MTO1: variants seen among roughly 807,000 people sequenced by gnomAD.
MTO1 encodes the protein mitochondrial tRNA translation optimization 1.
Under a neutral mutation model 71.6 loss-of-function variants are expected in MTO1, and 46 were observed. The observed-to-expected ratio is 0.64, with a 90% confidence interval of 0.51 to 0.82. The LOEUF (loss-of-function observed/expected upper bound fraction) is 0.82. Among genes scored for constraint, MTO1 ranks in the 40% least tolerant of loss-of-function variants. The pLI, the probability that MTO1 is intolerant of heterozygous loss-of-function variation, is 0.00. For missense variants in MTO1, 773 were observed against 867.5 expected (o/e 0.89, Z 1.37); for synonymous variants, 297 against 312.1 (o/e 0.95, Z 0.51).
At chr6:73,475,346 G>A (rs1329781563) in intron 4 of MTO1, among the ~76,000 whole-genome samples, 1 of 151,106 alleles carries the variant, frequency 6.6e-6, no homozygotes, top group Non-Finnish European at 1.5e-5. Flanking sequence ...GCAATGGCAC[G>A]ATCTCAGCTC....
chr6:73,473,315 A>AATACATAG (rs1405711153), intron 3 of MTO1, 50 bp from the exon 4 acceptor site: 3 of 1,494,540 alleles, frequency 2.0e-6, no homozygotes, highest in African/African-American at 2.8e-5. Context: ...TAGATACATA[A>AATACATAG]ATACATAGAT....
At position 73,504,159 on chromosome 6, in the gene MTO1, T is replaced by C. The variant is rs1294806766; in HGVS notation, c.*3424T>C. Reference sequence around the variant, plus strand: ...TTAATGTTTTTATTTAGAGACAAGATCTCACTCTGCCACCCTGGCTGGAGT... The same window carrying C: ...TTAATGTTTTTATTTAGAGACAAGACCTCACTCTGCCACCCTGGCTGGAGT... On this transcript the variant is annotated 3_prime_UTR_variant, in exon 12 of 12. Coordinates refer to ENST00000498286, the MANE Select transcript of MTO1 (RefSeq NM_012123.4). 2.6e-5 allele frequency: 4 copies of C among 152,244 alleles called. No individual in the cohort carries two copies. Among genetic ancestry groups the C allele is most frequent in the African/African-American group, 9.7e-5 (4 of 41,450 alleles). 9.4% of individuals were successfully genotyped at this position (152,244 alleles called of 1,614,324 possible). A position where few individuals can be genotyped will look rare whatever the true frequency, so the allele number is the denominator to read the frequency against.
At chr6:73,492,165 G>T (rs1483659666) in intron 9 of MTO1, 69 bp from the exon 10 acceptor site, 2 of 945,820 alleles carry the variant, frequency 2.1e-6, no homozygotes, top group South Asian at 2.8e-5. Context: ...TTATTTCAAA[G>T]AATCTTGTTC....
intron 1 of MTO1, among the ~76,000 whole-genome samples, chr6:73,463,744 T>C (rs1305784887): frequency 6.6e-6 from 1 of 152,088 alleles, no homozygotes; most frequent in Non-Finnish European, 1.5e-5. Context: ...TTTCTTTTCT[T>C]TTCTTTCATT....
chr6:73,488,612 A>T (rs963286816), intron 9 of MTO1, among the ~76,000 whole-genome samples: 6 of 152,164 alleles, frequency 3.9e-5, no homozygotes, highest in Admixed American at 1.3e-4. Flanking sequence ...TGTACATTTT[A>T]AAAAAATTTA....
At chr6:73,499,748 A>G (rs1351587614) in intron 11 of MTO1, among the ~76,000 whole-genome samples, 1 of 152,190 alleles carries the variant, frequency 6.6e-6, no homozygotes, top group Non-Finnish European at 1.5e-5. Context: ...TCTATAATAC[A>G]AAAGGCTCTG....
chr6:73,484,004 C>CT (rs1325363401), intron 9 of MTO1, among the ~76,000 whole-genome samples: 2 of 152,050 alleles, frequency 1.3e-5, no homozygotes, highest in Non-Finnish European at 2.9e-5. Context: ...TGCTCGAACT[C>CT]TTGACCTTAA....
intron 4 of MTO1, among the ~76,000 whole-genome samples, chr6:73,477,944 T>C (rs190992121): frequency 6.6e-6 from 1 of 152,230 alleles, no homozygotes; most frequent in East Asian, 1.9e-4. Context: ...CACTTTTACC[T>C]ATCTCTCGAG....
chr6:73,470,851 G>A (rs1195449917), intron 3 of MTO1, among the ~76,000 whole-genome samples: 2 of 152,148 alleles, frequency 1.3e-5, no homozygotes, highest in Non-Finnish European at 2.9e-5. Context: ...TACTCAGGAG[G>A]CTAAGGCAGG....
chr6:73,480,884 C>A, intron 7 of MTO1, 79 bp downstream of exon 7: 2 of 1,386,724 alleles, frequency 1.4e-6, no homozygotes, highest in Admixed American at 2.2e-5. Context: ...GTTGTGTTAA[C>A]TATGTAGATC....
intron 3 of MTO1, among the ~76,000 whole-genome samples, chr6:73,470,345 T>C (rs183971460): frequency 0.018 from 2,737 of 152,034 alleles, 43 homozygotes; most frequent in Admixed American, 0.033. Context: ...TAGCTGGGAC[T>C]ACAGGCACGT....
chr6:73,465,861 G>A (rs1175488024), intron 1 of MTO1, among the ~76,000 whole-genome samples: 1 of 152,096 alleles, frequency 6.6e-6, no homozygotes, highest in African/African-American at 2.4e-5. Flanking sequence ...CCGGACACCT[G>A]TAATCCCGGC....
Position 73,476,422 on chromosome 6 carries a change from A to ATTTTAT in MTO1, c.825+2772_825+2777dup, listed in dbSNP as rs577888425. On this transcript the variant is annotated intron_variant, in intron 4 of 11. Transcript: ENST00000498286. ...AGAAAGTTAACCCTCAACGCATATA[A>ATTTTAT]TTTTATTTTAAAAAGACGGAGAAAA... 2.4e-4 allele frequency among the ~76,000 whole-genome samples: 36 copies of ATTTTAT among 149,996 alleles called. No homozygotes were observed. In the East Asian group the frequency reaches 5.7e-3, roughly 24 times the overall value.
intron 10 of MTO1, among the ~76,000 whole-genome samples, chr6:73,494,746 G>C (rs1489108952): frequency 1.3e-5 from 2 of 149,250 alleles, no homozygotes; most frequent in Non-Finnish European, 3.0e-5. Context: ...AAAGTGCTGG[G>C]ATTACAGGCA....
intron 9 of MTO1, among the ~76,000 whole-genome samples, chr6:73,484,010 C>T (rs958705219): frequency 2.0e-5 from 3 of 152,006 alleles, no homozygotes; most frequent in African/African-American, 4.8e-5. Flanking sequence ...AACTCTTGAC[C>T]TTAAGTGATC....
At position 73,506,943 on chromosome 6, in the gene MTO1, C is replaced by A; in HGVS notation, c.*6208C>A. ...ACCTCAGGTGATCCACCCACCTTGG[C>A]TTCCCAAAGTGGGTGGATGACCTCT... On this transcript the variant is annotated 3_prime_UTR_variant, in exon 12 of 12. Coordinates refer to ENST00000498286, the MANE Select transcript of MTO1 (RefSeq NM_012123.4). 6.7e-6 allele frequency: 1 copy of A among 148,718 alleles called. No individual in the cohort carries two copies. The highest frequency in any genetic ancestry group is 6.8e-5 in the Admixed American group (1 of 14,810). The allele number at this position is 148,718 out of a possible 1,614,324, so 9.2% of individuals were successfully genotyped here.
chr6:73,480,936 G>C, intron 7 of MTO1, 131 bp downstream of exon 7: 1 of 917,378 alleles, frequency 1.1e-6, no homozygotes, highest in Non-Finnish European at 1.6e-6. Context: ...TTATGTTTCA[G>C]GGTGTTTGGA....
chr6:73,488,756 A>C (rs748573999), intron 9 of MTO1, among the ~76,000 whole-genome samples: 206 of 143,828 alleles, frequency 1.4e-3, no homozygotes, highest in Non-Finnish European at 2.5e-3. Flanking sequence ...CAAAAATACA[A>C]AAAAAAAAAA....
At chr6:73,473,923 G>A (rs56027667) in intron 4 of MTO1, among the ~76,000 whole-genome samples, 6 of 151,318 alleles carry the variant, frequency 4.0e-5, no homozygotes, top group Non-Finnish European at 8.8e-5. Context: ...GAGTAGCTGA[G>A]ACCATAGGCA....
Sources: allele counts gnomAD v4.1 joint callset (sites outside exome capture counted in the v4.1 genomes callset), GRCh38; gene constraint gnomAD v4.1.1; transcripts MANE v1.5; gene names NCBI Gene and HGNC (gene_info 2026-07-23, HGNC 2026-07-21).